The following MYO18B variants were observed in gnomAD, a reference collection of about 807,000 sequenced individuals.
MYO18B encodes unconventional myosin-XVIIIb.
MYO18B carries 204 observed loss-of-function variants against 273.0 expected under a neutral mutation model. The observed-to-expected ratio is 0.75, with a 90% confidence interval of 0.67 to 0.84. The LOEUF is 0.84. Ranked by LOEUF, MYO18B falls within the 40% of genes least tolerant of loss-of-function variation. The pLI is 0.00. For synonymous variants in MYO18B, 1,330 were observed against 1,305.7 expected (o/e 1.02, Z -0.40); for missense variants, 3,212 against 3,287.6 (o/e 0.98, Z 0.56).
rs1339313323 is a variant in MYO18B, at chr22:26,017,962, G to GTTTT, written c.6471-8482_6471-8479dup. Among the ~76,000 whole-genome samples, 4 of 117,568 alleles carry GTTTT rather than the reference G, an allele frequency of 3.4e-5. 1 individual carries two copies. The highest frequency in any genetic ancestry group is 5.2e-5 in the Non-Finnish European group (3 of 57,946). 77.1% of individuals were successfully genotyped at this position (117,568 alleles called of 152,430 possible). On this transcript the variant is annotated intron_variant, in intron 42 of 43. Coordinates refer to ENST00000335473, the MANE Select transcript of MYO18B (RefSeq NM_032608.7). The stretch of plus-strand genomic sequence containing the variant: ...ATCACCACCCAGCTCCAATTTTACT[G>GTTTT]TTTTGTTTTTTTTTTTTTTTTTTTT...
intron 8 of MYO18B, among the ~76,000 whole-genome samples, chr22:25,778,617 C>A (rs1044162263): frequency 6.6e-6 from 1 of 151,994 alleles, no homozygotes; most frequent in Non-Finnish European, 1.5e-5. Context: ...GTAGCTGGGA[C>A]TACAGGTACA....
At chr22:25,953,903 T>C (rs1230609652) in intron 38 of MYO18B, among the ~76,000 whole-genome samples, 1 of 152,182 alleles carries the variant, frequency 6.6e-6, no homozygotes, top group Non-Finnish European at 1.5e-5. Flanking sequence ...TGAGAACTCC[T>C]TCCACTCTTC....
At chr22:25,966,520 C>G (rs2092980050) in intron 39 of MYO18B, among the ~76,000 whole-genome samples, 1 of 152,194 alleles carries the variant, frequency 6.6e-6, no homozygotes, top group South Asian at 2.1e-4. Context: ...GTAAATAACA[C>G]ATTTTATGGC....
intron 10 of MYO18B, among the ~76,000 whole-genome samples, chr22:25,782,899 A>G (rs921716817): frequency 9.2e-5 from 14 of 152,254 alleles, no homozygotes; most frequent in Admixed American, 3.3e-4. Context: ...GTGGTATAGC[A>G]GAGTGACAGG....
At chr22:25,948,235 A>G (rs925290141) in intron 36 of MYO18B, among the ~76,000 whole-genome samples, 36 of 151,998 alleles carry the variant, frequency 2.4e-4, no homozygotes, top group African/African-American at 8.5e-4. Context: ...CCACCCATCC[A>G]TCTGTCTGTC....
chr22:25,783,208 C>T (rs2087237169), intron 10 of MYO18B, among the ~76,000 whole-genome samples: 1 of 152,196 alleles, frequency 6.6e-6, no homozygotes, highest in Non-Finnish European at 1.5e-5. Flanking sequence ...CCAGGTCATC[C>T]AAAGAAATGA....
At chr22:25,957,965 A>G (rs2092873817) in intron 39 of MYO18B, among the ~76,000 whole-genome samples, 1 of 136,198 alleles carries the variant, frequency 7.3e-6, no homozygotes, top group South Asian at 2.3e-4. Flanking sequence ...CCCAGGCTGG[A>G]GTGCAGTGGC....
At chr22:25,761,655 T>C (rs1014139869) in intron 2 of MYO18B, among the ~76,000 whole-genome samples, 5 of 152,230 alleles carry the variant, frequency 3.3e-5, no homozygotes, top group Non-Finnish European at 7.3e-5. Flanking sequence ...CTTTCTAAGA[T>C]GCCTGTTACT....
At chr22:25,790,846 G>T (rs2087630232) in intron 11 of MYO18B, among the ~76,000 whole-genome samples, 1 of 152,100 alleles carries the variant, frequency 6.6e-6, no homozygotes, top group South Asian at 2.1e-4. Flanking sequence ...GAATCTCTGA[G>T]GACCCAGAGA....
chr22:25,742,407 T>C (rs1198036526), intron 1 of MYO18B, 114 bp downstream of exon 1: 2 of 152,064 alleles, frequency 1.3e-5, no homozygotes, highest in African/African-American at 4.8e-5. Context: ...TTTGGTCTAT[T>C]TTAGGCCTTT....
At chr22:25,980,383 A>G (rs1357114443) in intron 39 of MYO18B, among the ~76,000 whole-genome samples, 2 of 152,210 alleles carry the variant, frequency 1.3e-5, no homozygotes, top group Admixed American at 6.5e-5. Flanking sequence ...AAGAGAAAGG[A>G]AAGACCAGAA....
In MYO18B at chr22:25,946,460, C is replaced by G. The variant is rs9613048; in HGVS notation, c.5631+210C>G. On this transcript the variant is annotated intron_variant, in intron 35 of 43. Transcript: ENST00000335473. ...GACAAGGGGACTTATTGTAGACCTA[C>G]TAGGTGCTCAGCGTTCTGAATGTGC... is the stretch of plus-strand genomic sequence containing the variant. Among the ~76,000 whole-genome samples, 25,843 of 151,946 alleles carry G rather than the reference C, an allele frequency of 0.17. 2,261 individuals are homozygous for G. The highest frequency in any genetic ancestry group is 0.24 in the East Asian group (1,243 of 5,128).
chr22:25,802,488 C>T (rs920549560), intron 12 of MYO18B, among the ~76,000 whole-genome samples: 1 of 152,128 alleles, frequency 6.6e-6, no homozygotes, highest in African/African-American at 2.4e-5. Flanking sequence ...CGGTGGCTCA[C>T]GCCTGTAATC....
chr22:25,819,118 T>A (rs2089166888), intron 12 of MYO18B, among the ~76,000 whole-genome samples: 1 of 152,064 alleles, frequency 6.6e-6, no homozygotes, highest in Non-Finnish European at 1.5e-5. Flanking sequence ...GGGATTGGAT[T>A]TTGTGCACCG....
chr22:25,785,921 C>T (rs1273960681), intron 11 of MYO18B, among the ~76,000 whole-genome samples: 1 of 152,086 alleles, frequency 6.6e-6, no homozygotes, highest in Non-Finnish European at 1.5e-5. Context: ...TGGCCTAAAT[C>T]AATCAATAGG....
At chr22:25,962,366 C>T (rs1032800288) in intron 39 of MYO18B, among the ~76,000 whole-genome samples, 3 of 152,162 alleles carry the variant, frequency 2.0e-5, no homozygotes, top group East Asian at 3.9e-4. Flanking sequence ...TTACTTGACT[C>T]GGGCTGCAAC....
chr22:25,907,662 T>C (rs1378967049), intron 31 of MYO18B, among the ~76,000 whole-genome samples: 3 of 152,150 alleles, frequency 2.0e-5, no homozygotes, highest in African/African-American at 7.2e-5. Context: ...TGTCCTACCA[T>C]TCATCTACCT....
intron 40 of MYO18B, among the ~76,000 whole-genome samples, chr22:25,999,773 A>G (rs906296361): frequency 1.3e-5 from 2 of 151,764 alleles, no homozygotes; most frequent in Non-Finnish European, 2.9e-5. Context: ...CTTCTGCCTC[A>G]GCCTCCCGAG....
chr22:25,896,337 GA>G (rs2091800346), intron 28 of MYO18B: 1 of 152,042 alleles, frequency 6.6e-6, no homozygotes, highest in African/African-American at 2.4e-5. Flanking sequence ...GCAGTTCTTT[GA>G]GGGGTTTGTC....
Sources: allele counts gnomAD v4.1 joint callset (sites outside exome capture counted in the v4.1 genomes callset), GRCh38; gene constraint gnomAD v4.1.1; transcripts MANE v1.5; gene names NCBI Gene and HGNC (gene_info 2026-07-23, HGNC 2026-07-21).